SERPINI1: variants seen among roughly 807,000 people sequenced by gnomAD.
SERPINI1 encodes the protein neuroserpin.
Under a neutral mutation model 41.1 loss-of-function variants are expected in SERPINI1, and 19 were observed. The observed-to-expected ratio is 0.46, with a 90% CI of 0.32 to 0.68. The LOEUF (loss-of-function observed/expected upper bound fraction) is 0.68, where lower values mean the gene tolerates loss of function less well. SERPINI1 is among the 30% of genes least tolerant of loss of function. The probability of loss-of-function intolerance (pLI) is 0.03; values close to 1 mark genes in which losing one functional copy is unlikely to be tolerated. For missense variants in SERPINI1, 460 were observed against 479.2 expected (o/e 0.96, Z 0.37); for synonymous variants, 138 against 156.6 (o/e 0.88, Z 0.89).
At chr3:167,824,630 T>G in intron 8 of SERPINI1, 68 bp downstream of exon 8, 3 of 1,021,980 alleles carry the variant, frequency 2.9e-6, no homozygotes, top group Non-Finnish European at 4.6e-6. Context: ...AAATGGAGAT[T>G]TTTTTCCTCA....
Position 167,794,728 on chromosome 3 carries a change from T to C in SERPINI1, c.785T>C (p.Val262Ala). The change falls in exon 5 of 9, where the codon GTT becomes GCT. Residue 262 changes from valine to alanine, a missense_variant. Val to Ala is a moderately conservative substitution (Grantham distance 64). Transcript: ENST00000446050. ...ATGCTGGTGCTGTCCAGACAGGAAG[T>C]TCCTCTTGCTACTCTGGAGCCATTA... is the stretch of plus-strand genomic sequence containing the variant. ...SMMLVLSRQE[V>A]PLATLEPLVK... is the part of the protein sequence containing the mutation. 6.2e-7 allele frequency: 1 copy of C among 1,613,680 alleles called. No homozygotes were observed. The highest frequency in any genetic ancestry group is 8.5e-7 in the Non-Finnish European group (1 of 1,179,808).
intron 1 of SERPINI1, among the ~76,000 whole-genome samples, chr3:167,770,803 C>A (rs1029158334): frequency 6.6e-6 from 1 of 152,136 alleles, no homozygotes; most frequent in Non-Finnish European, 1.5e-5. Context: ...ATCTCTTAAG[C>A]CATCTGTTTC....
chr3:167,813,334 G>A (rs575267120), intron 6 of SERPINI1, among the ~76,000 whole-genome samples: 2 of 152,268 alleles, frequency 1.3e-5, no homozygotes, highest in African/African-American at 4.8e-5. Context: ...TCAAAGCATT[G>A]TGTCCCATTA....
intron 6 of SERPINI1, among the ~76,000 whole-genome samples, chr3:167,809,336 G>A (rs936222088): frequency 3.9e-5 from 6 of 152,040 alleles, no homozygotes; most frequent in African/African-American, 9.7e-5. Context: ...CTTTCTTAAC[G>A]TGGCTCTATT....
intron 6 of SERPINI1, among the ~76,000 whole-genome samples, chr3:167,817,999 G>A (rs1312292361): frequency 2.0e-5 from 3 of 149,992 alleles, no homozygotes; most frequent in Admixed American, 2.0e-4. Context: ...ACTTTTTTAG[G>A]ATAGATGGAA....
intron 6 of SERPINI1, among the ~76,000 whole-genome samples, chr3:167,811,520 G>C (rs968578233): frequency 6.6e-6 from 1 of 151,962 alleles, no homozygotes; most frequent in Non-Finnish European, 1.5e-5. Context: ...ATGTATATAG[G>C]CTTTTAAATG....
intron 6 of SERPINI1, among the ~76,000 whole-genome samples, chr3:167,817,737 A>G (rs551394749): frequency 7.3e-5 from 11 of 151,086 alleles, no homozygotes; most frequent in South Asian, 4.2e-4. Context: ...AGCTGGGACT[A>G]CAGGCGCCCA....
intron 1 of SERPINI1, among the ~76,000 whole-genome samples, chr3:167,780,868 G>A (rs1268928419): frequency 2.6e-5 from 4 of 152,132 alleles, no homozygotes; most frequent in African/African-American, 4.8e-5. Flanking sequence ...TCAACTGAGC[G>A]AACAAGGATA....
intron 1 of SERPINI1, among the ~76,000 whole-genome samples, chr3:167,766,468 G>T (rs1036279348): frequency 6.6e-6 from 1 of 152,170 alleles, no homozygotes; most frequent in Admixed American, 6.5e-5. Flanking sequence ...CTCCCACTGG[G>T]TCTCTCCCAC....
chr3:167,823,170 G>T (rs545753312), intron 7 of SERPINI1, 98 bp downstream of exon 7: 44 of 839,968 alleles, frequency 5.2e-5, no homozygotes, highest in Non-Finnish European at 8.1e-5. Flanking sequence ...AGCCAAAAAA[G>T]TCACTCTGCT....
chr3:167,791,772 G>T (rs976739661), intron 3 of SERPINI1, among the ~76,000 whole-genome samples: 1 of 152,208 alleles, frequency 6.6e-6, no homozygotes, highest in African/African-American at 2.4e-5. Context: ...GCAGAATGAT[G>T]TCCAGTATAC....
chr3:167,764,727 G>A (rs931403345), intron 1 of SERPINI1, among the ~76,000 whole-genome samples: 3 of 152,170 alleles, frequency 2.0e-5, no homozygotes, highest in African/African-American at 7.2e-5. Flanking sequence ...CTGAGACAAG[G>A]CAAGTCCCTT....
At chr3:167,738,597 C>T (rs1015403951) in intron 1 of SERPINI1, among the ~76,000 whole-genome samples, 33 of 151,594 alleles carry the variant, frequency 2.2e-4, no homozygotes, top group African/African-American at 6.1e-4. Context: ...ACCTTTTCTC[C>T]CCCAGTCATT....
In SERPINI1 at chr3:167,824,538, T is replaced by C; in HGVS notation, c.1132T>C (p.Phe378Leu). The C allele has an allele frequency of 6.2e-7, 1 of 1,613,400 alleles. No individual in the cohort carries two copies. Among genetic ancestry groups the C allele is most frequent in the Non-Finnish European group, 8.5e-7 (1 of 1,179,530 alleles). ...AGTTATTGTCGACCATCCATTTTTC[T>C]TTCTTATCAGAAACAGGAGAACTGG... Reference protein sequence around the residue: ...PQVIVDHPFFFLIRNRRTGTI... With the variant: ...PQVIVDHPFFLLIRNRRTGTI... The change falls in exon 8 of 9, where the codon TTT (phenylalanine) becomes CTT (leucine). Residue 378 changes from phenylalanine (F) to leucine (L), a missense_variant. By Grantham distance (22) the Phe-to-Leu change is conservative. Transcript: ENST00000446050.
intron 6 of SERPINI1, among the ~76,000 whole-genome samples, chr3:167,821,649 T>C (rs531360321): frequency 5.9e-5 from 9 of 152,242 alleles, no homozygotes; most frequent in Admixed American, 1.3e-4. Context: ...CCAGGCCGAG[T>C]GGGCACAATG....
chr3:167,793,806 G>GTATATATATA (rs796438641), intron 4 of SERPINI1, among the ~76,000 whole-genome samples: 2 of 145,440 alleles, frequency 1.4e-5, no homozygotes, highest in Non-Finnish European at 3.0e-5. Context: ...TATACTGTGT[G>GTATATATATA]TATATATATA....
At chr3:167,815,684 C>T (rs776025072) in intron 6 of SERPINI1, among the ~76,000 whole-genome samples, 49 of 152,106 alleles carry the variant, frequency 3.2e-4, no homozygotes, top group Non-Finnish European at 5.7e-4. Flanking sequence ...GCCACTATGC[C>T]CGGCCTTCTT....
intron 6 of SERPINI1, among the ~76,000 whole-genome samples, chr3:167,820,978 C>A (rs1436451392): frequency 6.6e-6 from 1 of 152,294 alleles, no homozygotes; most frequent in African/African-American, 2.4e-5. Context: ...GACAGGATGA[C>A]CTGCCTGCAG....
At position 167,792,791 on chromosome 3, in the gene SERPINI1, C is replaced by A. The variant is rs1560010016; in HGVS notation, c.676+7C>A. ...CAAGGAGAATTTTATTATGGTAAGA[C>A]ATTTTTTGCTTTTATTTCTCTCTTC... On this transcript the variant is annotated splice_region_variant and intron_variant, in intron 4 of 8. Transcript: ENST00000446050. 1.9e-6 allele frequency: 3 copies of A among 1,610,062 alleles called. No individual in the cohort carries two copies. The highest frequency in any genetic ancestry group is 2.5e-6 in the Non-Finnish European group (3 of 1,176,758).
Sources: gnomAD v4.1 joint callset for allele counts (sites outside exome capture counted in the v4.1 genomes callset) on GRCh38, gnomAD v4.1.1 for gene constraint, MANE v1.5 for transcripts, NCBI Gene and HGNC (gene_info 2026-07-23, HGNC 2026-07-21) for gene names.